Variants in MTHFS observed in about 807,000 individuals in gnomAD.
MTHFS encodes methenyltetrahydrofolate synthetase.
In MTHFS, 7 loss-of-function variants were observed where a neutral mutation model predicts 12.7. The ratio of observed to expected loss-of-function variants is 0.55; its 90% CI spans 0.31 to 1.03. The LOEUF is 1.03. Ranked by LOEUF, MTHFS falls within the 50% of genes least tolerant of loss-of-function variation. MTHFS has a pLI of 0.05. For missense variants in MTHFS, 252 were observed against 258.1 expected, an observed-to-expected ratio of 0.98 and a Z score of 0.16; for synonymous variants, 100 against 97.1, an observed-to-expected ratio of 1.03 and a Z score of -0.18.
rs139199845 is a variant in MTHFS at position 79,844,421 on chromosome 15, C to A, written c.*789G>T. The A allele has an allele frequency of 6.6e-6, 1 of 152,368 alleles. No individual in the cohort carries two copies. The highest frequency in any genetic ancestry group is 1.5e-5 in the Non-Finnish European group (1 of 68,016). 9.4% of individuals were successfully genotyped at this position (152,368 alleles called of 1,614,324 possible). A position where few individuals can be genotyped will look rare whatever the true frequency, so the allele number is the denominator to read the frequency against. ...ACATGGAGTGTGAGTAAGAGAGCCA[C>A]GTGACTCCCGGGTTTCTGGAGATGA... On this transcript the variant is annotated 3_prime_UTR_variant, in exon 3 of 3. Transcript: ENST00000258874.
chr15:79,875,074 G>T (rs753261408), intron 2 of MTHFS, among the ~76,000 whole-genome samples: 27 of 152,260 alleles, frequency 1.8e-4, no homozygotes, highest in Non-Finnish European at 3.1e-4. Context: ...CAAGAGTATT[G>T]ATTGGGGAAG....
At chr15:79,861,402 G>A (rs74635708) in intron 2 of MTHFS, among the ~76,000 whole-genome samples, 3,017 of 152,172 alleles carry the variant, frequency 0.02, 45 homozygotes, top group Non-Finnish European at 0.028. Context: ...ATCACATGGA[G>A]GCTACCACAC....
chr15:79,860,379 A>C (rs866652950), intron 2 of MTHFS, among the ~76,000 whole-genome samples: 1 of 151,196 alleles, frequency 6.6e-6, no homozygotes, highest in Non-Finnish European at 1.5e-5. Context: ...ACAGAGCGAG[A>C]CTCCATCTCA....
Position 79,889,075 on chromosome 15 carries a change from T to G in MTHFS, c.379+18A>C. The G allele has an allele frequency of 6.2e-7, 1 of 1,613,040 alleles. No individual in the cohort carries two copies. Among genetic ancestry groups the G allele is most frequent in the South Asian group, 1.1e-5 (1 of 91,006 alleles). ...AACTGGTCATAATCTAACAACATCC[T>G]AACACCATAATACTCACCTGTGGAC... On this transcript the variant is annotated intron_variant, in intron 2 of 2. Coordinates refer to ENST00000258874, the MANE Select transcript of MTHFS (RefSeq NM_006441.4).
Position 79,897,003 on chromosome 15 carries a change from G to C in MTHFS, c.-15C>G, listed in dbSNP as rs1218321582. 9 of 1,523,714 alleles carry C rather than the reference G, an allele frequency of 5.9e-6. No individual in the cohort carries two copies. In the East Asian group the frequency reaches 7.6e-5, roughly 13 times the overall value. The allele number at this position is 1,523,714 out of a possible 1,614,324, so 94.4% of individuals were successfully genotyped here. The stretch of plus-strand genomic sequence containing the variant: ...GCCGCCGCCATCTCACGCCCAAGCC[G>C]AGTCCAGTCCCGCCCTCGGCGCCCT... On this transcript the variant is annotated 5_prime_UTR_variant, in exon 1 of 3. Coordinates refer to ENST00000258874, the MANE Select transcript of MTHFS (RefSeq NM_006441.4).
chr15:79,859,409 C>A (rs2033869336), intron 2 of MTHFS, among the ~76,000 whole-genome samples: 1 of 152,150 alleles, frequency 6.6e-6, no homozygotes, highest in Non-Finnish European at 1.5e-5. Context: ...TTGGAAAAGA[C>A]AAAAACATCC....
chr15:79,877,800 AATG>A (rs2034227169), intron 2 of MTHFS: 1 of 152,186 alleles, frequency 6.6e-6, no homozygotes, highest in Admixed American at 6.5e-5. Context: ...AAATAGAATG[AATG>A]ATGACTTCTC....
intron 2 of MTHFS, among the ~76,000 whole-genome samples, chr15:79,870,242 C>A (rs554812605): frequency 6.6e-6 from 1 of 152,296 alleles, no homozygotes; most frequent in African/African-American, 2.4e-5. Context: ...CAAACTATAG[C>A]CCTAAGACTA....
intron 2 of MTHFS, among the ~76,000 whole-genome samples, chr15:79,873,913 A>C (rs1049491219): frequency 1.3e-5 from 2 of 152,252 alleles, no homozygotes; most frequent in Non-Finnish European, 2.9e-5. Context: ...AGAGGTCCAT[A>C]GAAGGGCTGA....
chr15:79,849,383 C>G (rs935316810), intron 2 of MTHFS, among the ~76,000 whole-genome samples: 1 of 152,166 alleles, frequency 6.6e-6, no homozygotes, highest in Non-Finnish European at 1.5e-5. Flanking sequence ...CCACATGCAT[C>G]ACCCACCCCA....
At chr15:79,852,803 T>A (rs1209290205) in intron 2 of MTHFS, among the ~76,000 whole-genome samples, 1 of 152,192 alleles carries the variant, frequency 6.6e-6, no homozygotes, top group East Asian at 1.9e-4. Flanking sequence ...TATAAGACAA[T>A]CTGTGTGCAT....
At position 79,843,771 on chromosome 15, in the gene MTHFS, G is replaced by A. The variant is rs890856711; in HGVS notation, c.*1439C>T. 6.6e-6 allele frequency: 1 copy of A among 152,204 alleles called. No individual in the cohort carries two copies. Among genetic ancestry groups the A allele is most frequent in the South Asian group, 2.1e-4 (1 of 4,824 alleles). The allele number at this position is 152,204 out of a possible 1,614,324, so 9.4% of individuals were successfully genotyped here. ...AGCTCACAGTATGGTGAAGGGGACA[G>A]ATATGACAACAAATAATTTGATACG... On this transcript the variant is annotated 3_prime_UTR_variant, in exon 3 of 3. Coordinates refer to ENST00000258874, the MANE Select transcript of MTHFS (RefSeq NM_006441.4).
chr15:79,889,030 C>A (rs2141376591), intron 2 of MTHFS, 63 bp downstream of exon 2: 1 of 1,584,018 alleles, frequency 6.3e-7, no homozygotes, highest in Non-Finnish European at 8.6e-7. Context: ...CACACATAAC[C>A]CGTGGATCTG....
chr15:79,894,473 G>A (rs1036398215), intron 1 of MTHFS, among the ~76,000 whole-genome samples: 4 of 152,172 alleles, frequency 2.6e-5, no homozygotes, highest in East Asian at 1.9e-4. Context: ...AGAGTAAAAT[G>A]TATTTATTAC....
intron 2 of MTHFS, among the ~76,000 whole-genome samples, chr15:79,863,161 A>G (rs907069909): frequency 3.9e-5 from 6 of 152,198 alleles, no homozygotes; most frequent in African/African-American, 7.2e-5. Context: ...TACATGCTGC[A>G]TATGTCAGAA....
In MTHFS at chr15:79,889,276, C is replaced by T. The variant is rs2034432706; in HGVS notation, c.196G>A (p.Glu66Lys). The T allele has an allele frequency of 6.2e-7, 1 of 1,614,166 alleles. No individual in the cohort carries two copies. The highest frequency in any genetic ancestry group is 1.6e-4 in the Middle Eastern group (1 of 6,062). Reference protein sequence around the residue: ...LSMQDEIETEEIIKDIFQRGK... With the variant: ...LSMQDEIETEKIIKDIFQRGK... The stretch of plus-strand genomic sequence containing the variant: ...CGTTGGAAAATGTCCTTGATGATCT[C>T]TTCTGTCTCAATTTCATCTTGCATG... The change falls in exon 2 of 3, where the codon GAG becomes AAG. Residue 66 changes from glutamate to lysine, a missense_variant. Physicochemically the swap from Glu to Lys is moderately conservative, Grantham distance 56. Transcript: ENST00000258874.
intron 2 of MTHFS, among the ~76,000 whole-genome samples, chr15:79,860,960 G>C (rs1211535082): frequency 6.6e-6 from 1 of 152,162 alleles, no homozygotes; most frequent in Admixed American, 6.5e-5. Context: ...TTTAGGCAAA[G>C]AGAAATCTCC....
intron 2 of MTHFS, among the ~76,000 whole-genome samples, chr15:79,883,315 A>G (rs1407462588): frequency 6.6e-6 from 1 of 152,196 alleles, no homozygotes; most frequent in East Asian, 1.9e-4. Context: ...TTTCATAGCT[A>G]TAAAGTGTTG....
At chr15:79,845,732 A>T (rs2033602163) in intron 2 of MTHFS, among the ~76,000 whole-genome samples, 1 of 152,166 alleles carries the variant, frequency 6.6e-6, no homozygotes, top group Non-Finnish European at 1.5e-5. Flanking sequence ...ATCTCCAGAG[A>T]TAGGGCCCTC....
Sources: gnomAD v4.1 joint callset for allele counts (sites outside exome capture counted in the v4.1 genomes callset) on GRCh38, gnomAD v4.1.1 for gene constraint, MANE v1.5 for transcripts, NCBI Gene and HGNC (gene_info 2026-07-23, HGNC 2026-07-21) for gene names.